The following DNER variants were observed in gnomAD, a reference collection of about 807,000 sequenced individuals.
The protein encoded by DNER is delta/notch like EGF repeat containing.
In DNER, 33 loss-of-function variants were observed where a neutral mutation model predicts 78.2. The observed-to-expected ratio is 0.42, with a 90% CI of 0.32 to 0.56. The LOEUF is 0.56. Among genes scored for constraint, DNER ranks in the 20% least tolerant of loss-of-function variants. The pLI is 0.11. For missense variants in DNER, 918 were observed against 975.3 expected, an observed-to-expected ratio of 0.94 and a Z score of 0.78; for synonymous variants, 417 against 384.8, an observed-to-expected ratio of 1.08 and a Z score of -0.98.
chr2:229,488,985 A>G (rs920091825), intron 6 of DNER, among the ~76,000 whole-genome samples: 8 of 152,240 alleles, frequency 5.3e-5, no homozygotes, highest in Non-Finnish European at 1.2e-4. Flanking sequence ...GGATTGTGGC[A>G]CATTGAATAC....
intron 6 of DNER, among the ~76,000 whole-genome samples, chr2:229,504,459 A>G (rs2154212059): frequency 6.6e-6 from 1 of 152,246 alleles, no homozygotes; most frequent in Admixed American, 6.5e-5. Flanking sequence ...ACCTCAGGTG[A>G]TCTGCCTGCC....
At chr2:229,595,384 C>T (rs1038346158) in intron 1 of DNER, among the ~76,000 whole-genome samples, 3 of 151,932 alleles carry the variant, frequency 2.0e-5, no homozygotes, top group East Asian at 1.9e-4. Flanking sequence ...CAGGTTCAAG[C>T]GATTCTCCTG....
At chr2:229,588,898 G>A (rs17581619) in intron 2 of DNER, among the ~76,000 whole-genome samples, 39,196 of 152,106 alleles carry the variant, frequency 0.26, 5,589 homozygotes, top group Non-Finnish European at 0.32. Context: ...TAATGACTAG[G>A]CAAGCCAGCC....
intron 5 of DNER, among the ~76,000 whole-genome samples, chr2:229,515,314 ATGTGCATGAGTCCTGTT>A (rs1368744747): frequency 6.6e-6 from 1 of 152,212 alleles, no homozygotes; most frequent in Non-Finnish European, 1.5e-5. Flanking sequence ...CACATCTGAT[ATGTGCATGAGTCCTGTT>A]TGGAGCTCTC....
chr2:229,517,097 G>A (rs1449977961), intron 5 of DNER, among the ~76,000 whole-genome samples: 3 of 136,026 alleles, frequency 2.2e-5, no homozygotes, highest in African/African-American at 8.2e-5. Context: ...GTGACAGAGT[G>A]AGACTCCGTC....
chr2:229,707,750 T>C (rs559847705), intron 1 of DNER, among the ~76,000 whole-genome samples: 53 of 152,226 alleles, frequency 3.5e-4, no homozygotes, highest in Non-Finnish European at 6.8e-4. Context: ...TGTGTTCAAA[T>C]AAAACATGAG....
At position 229,547,025 on chromosome 2, in the gene DNER, G is replaced by A. The variant is rs995998667; in HGVS notation, c.915C>T (p.Ser305=). 6.2e-7 allele frequency: 1 copy of A among 1,614,184 alleles called. No individual in the cohort carries two copies. Among genetic ancestry groups the A allele is most frequent in the Non-Finnish European group, 8.5e-7 (1 of 1,180,020 alleles). The part of the protein sequence containing the change: ...ALRLTLVVKV[S]TCVPGESHAN... ...CGTGACTCTCCCCCGGCACACAGGT[G>A]CTGACCTTCACCACCAGAGTTAAGC... Residue 305 remains serine, a synonymous_variant, in exon 5 of 13, where the codon AGC becomes AGT. Coordinates refer to ENST00000341772, the MANE Select transcript of DNER (RefSeq NM_139072.4).
intron 11 of DNER, among the ~76,000 whole-genome samples, chr2:229,382,141 C>T (rs888592454): frequency 2.6e-5 from 4 of 152,184 alleles, no homozygotes; most frequent in Non-Finnish European, 4.4e-5. Flanking sequence ...AGTGGACCTC[C>T]AGCAAACTCC....
chr2:229,568,968 T>C (rs1697163540), intron 4 of DNER, among the ~76,000 whole-genome samples: 1 of 152,226 alleles, frequency 6.6e-6, no homozygotes, highest in Admixed American at 6.5e-5. Context: ...TGTGTGCTTA[T>C]GGATGGATGT....
At chr2:229,651,818 G>A (rs1336046098) in intron 1 of DNER, among the ~76,000 whole-genome samples, 1 of 152,098 alleles carries the variant, frequency 6.6e-6, no homozygotes, top group Non-Finnish European at 1.5e-5. Flanking sequence ...CTAGACAAAG[G>A]AGCAACATGC....
Position 229,591,512 on chromosome 2 carries a change from G to T in DNER, c.585+68C>A. ...CTTTCATTTTTAATTGCTGATACTA[G>T]AACCGCTGGAGTCACTTTAAGATTT... On this transcript the variant is annotated intron_variant, in intron 2 of 12. Coordinates refer to ENST00000341772, the MANE Select transcript of DNER (RefSeq NM_139072.4). This position sits in a 1 kb window ranked among gnomAD's most constrained non-coding sequence, Gnocchi z 4.6. The T allele has an allele frequency of 6.6e-7, 1 of 1,504,780 alleles. No homozygotes were observed. The allele number at this position is 1,504,780 out of a possible 1,614,324, so 93.2% of individuals were successfully genotyped here.
In DNER at chr2:229,453,947, GA is replaced by G. The variant is rs1278493590; in HGVS notation, c.1262-6408del. Among the ~76,000 whole-genome samples, 10 of 132,794 alleles carry G rather than the reference GA, an allele frequency of 7.5e-5. No individual in the cohort carries two copies. In the East Asian group the frequency reaches 2.2e-3, roughly 30 times the overall value. 87.1% of individuals were successfully genotyped at this position (132,794 alleles called of 152,430 possible). ...AAAAAAAAAAAAAAAAAAAAAGAAA[GA>G]AGAGAAACCAGGAGAGAAAGGTGTC... On this transcript the variant is annotated intron_variant, in intron 7 of 12. Transcript: ENST00000341772.
At chr2:229,457,902 C>T (rs1694610578) in intron 7 of DNER, among the ~76,000 whole-genome samples, 1 of 151,304 alleles carries the variant, frequency 6.6e-6, no homozygotes, top group Non-Finnish European at 1.5e-5. Flanking sequence ...CTTCAGGAGG[C>T]CAAGGTGGGC....
Position 229,684,169 on chromosome 2 carries a change from A to AGTGTGT in DNER, c.276+29973_276+29978dup, listed in dbSNP as rs59016911. On this transcript the variant is annotated intron_variant, in intron 1 of 12. Transcript: ENST00000341772. The stretch of plus-strand genomic sequence containing the variant: ...GTGAGAGAGAGAGAGAGAGAGAGAG[A>AGTGTGT]GTGTGTGTGTGTGTGTGTGTGTGTG... Among the ~76,000 whole-genome samples the AGTGTGT allele has an allele frequency of 2.7e-3, 255 of 94,568 alleles. 1 individual carries two copies. The highest frequency in any genetic ancestry group is 3.5e-3 in the African/African-American group (79 of 22,266). 62.0% of individuals were successfully genotyped at this position (94,568 alleles called of 152,430 possible). A position where few individuals can be genotyped will look rare whatever the true frequency, so the allele number is the denominator to read the frequency against.
At chr2:229,479,804 G>A (rs1695117552) in intron 6 of DNER, among the ~76,000 whole-genome samples, 1 of 151,994 alleles carries the variant, frequency 6.6e-6, no homozygotes, top group South Asian at 2.1e-4. Context: ...TAGGCTGGAG[G>A]TGCCAAGAAT....
intron 6 of DNER, among the ~76,000 whole-genome samples, chr2:229,503,989 C>G (rs1410470299): frequency 6.6e-6 from 1 of 151,960 alleles, no homozygotes; most frequent in Non-Finnish European, 1.5e-5. Flanking sequence ...AGTGATCTGC[C>G]CACCTTGGCC....
At chr2:229,490,447 A>T (rs1695375427) in intron 6 of DNER, among the ~76,000 whole-genome samples, 1 of 152,230 alleles carries the variant, frequency 6.6e-6, no homozygotes, top group Admixed American at 6.5e-5. Flanking sequence ...ATGAACCTTG[A>T]AAACCTGCTA....
chr2:229,709,566 A>T (rs1489534607), intron 1 of DNER, among the ~76,000 whole-genome samples: 1 of 152,206 alleles, frequency 6.6e-6, no homozygotes. Flanking sequence ...AGCAAACCTC[A>T]GTCAAAAATA....
chr2:229,363,835 T>C (rs1692274504), intron 12 of DNER, among the ~76,000 whole-genome samples: 1 of 152,100 alleles, frequency 6.6e-6, no homozygotes, highest in African/African-American at 2.4e-5. Context: ...TAGCCATGGA[T>C]GCCTGTAGGG....
Sources: gnomAD v4.1 joint callset for allele counts (sites outside exome capture counted in the v4.1 genomes callset) on GRCh38, gnomAD v4.1.1 for gene constraint, Gnocchi (gnomAD v3.1) non-coding constraint, MANE v1.5 for transcripts, NCBI Gene and HGNC (gene_info 2026-07-23, HGNC 2026-07-21) for gene names.